CTNNA3: variants seen among roughly 807,000 people sequenced by gnomAD.
CTNNA3 encodes the protein catenin alpha-3.
CTNNA3 carries 76 observed loss-of-function variants against 95.7 expected under a neutral mutation model. The ratio of observed to expected loss-of-function variants is 0.79; its 90% confidence interval spans 0.66 to 0.96. CTNNA3 has a LOEUF of 0.96. Ranked by LOEUF, CTNNA3 falls within the 40% of genes least tolerant of loss-of-function variation. The pLI is 0.00. For synonymous variants in CTNNA3, 431 were observed against 374.4 expected (o/e 1.15, Z -1.74); for missense variants, 1,191 against 1,089.8 (o/e 1.09, Z -1.31).
intron 14 of CTNNA3, among the ~76,000 whole-genome samples, chr10:66,072,532 C>G (rs567910460): frequency 6.6e-6 from 1 of 152,164 alleles, no homozygotes; most frequent in East Asian, 1.9e-4. Context: ...GCCACCTCTA[C>G]CTCCTAGATT....
rs192429391 is a variant in CTNNA3 at position 67,133,138 on chromosome 10, G to T, written c.1047+47179C>A. Among the ~76,000 whole-genome samples the T allele has an allele frequency of 5.1e-3, 764 of 151,252 alleles. 6 individuals are homozygous for T. Among genetic ancestry groups the T allele is most frequent in the African/African-American group, 0.017 (713 of 41,182 alleles). On this transcript the variant is annotated intron_variant, in intron 7 of 17. Coordinates refer to ENST00000433211, the MANE Select transcript of CTNNA3 (RefSeq NM_013266.4). ...ATGGAGACCTCAAATACCCTAACTT[G>T]ATCATGACACATTTTATGAATGTAG...
intron 7 of CTNNA3, among the ~76,000 whole-genome samples, chr10:66,929,499 A>T (rs1175993270): frequency 6.6e-6 from 1 of 152,192 alleles, no homozygotes; most frequent in Non-Finnish European, 1.5e-5. Flanking sequence ...TCCCCTAATG[A>T]CAGACACTTC....
intron 5 of CTNNA3, among the ~76,000 whole-genome samples, chr10:67,411,910 C>T (rs908393643): frequency 6.6e-6 from 1 of 152,056 alleles, no homozygotes. Context: ...CCAGCACTGG[C>T]TGTCATTTAA....
chr10:66,588,905 T>A (rs565974211), intron 10 of CTNNA3, among the ~76,000 whole-genome samples: 1 of 151,038 alleles, frequency 6.6e-6, no homozygotes, highest in Non-Finnish European at 1.5e-5. Flanking sequence ...ACAGTGGAGA[T>A]AAAAGAAGGT....
At chr10:66,028,003 A>G (rs1365849892) in intron 15 of CTNNA3, among the ~76,000 whole-genome samples, 2 of 152,210 alleles carry the variant, frequency 1.3e-5, no homozygotes, top group African/African-American at 2.4e-5. Context: ...GTCAAGTGAG[A>G]CAGACAAAAC....
At chr10:67,251,048 T>G (rs964633857) in intron 5 of CTNNA3, among the ~76,000 whole-genome samples, 6 of 152,222 alleles carry the variant, frequency 3.9e-5, no homozygotes, top group Non-Finnish European at 7.3e-5. Flanking sequence ...TATGGCAGCA[T>G]TCTTCATAAT....
chr10:66,762,326 C>T (rs373173458), intron 9 of CTNNA3, among the ~76,000 whole-genome samples: 20 of 151,988 alleles, frequency 1.3e-4, no homozygotes, highest in African/African-American at 2.2e-4. Context: ...ATACTCCTGA[C>T]GACTTCTTAT....
intron 15 of CTNNA3, among the ~76,000 whole-genome samples, chr10:66,042,421 G>A (rs2079714109): frequency 1.3e-5 from 2 of 152,086 alleles, no homozygotes; most frequent in Admixed American, 1.3e-4. Flanking sequence ...GAAAGTGGTG[G>A]GAAAAGGGAT....
At chr10:66,186,748 A>T (rs772125262) in intron 13 of CTNNA3, among the ~76,000 whole-genome samples, 2 of 152,096 alleles carry the variant, frequency 1.3e-5, no homozygotes, top group African/African-American at 2.4e-5. Context: ...AAGACTATCA[A>T]GAATTTGGTG....
chr10:67,725,770 G>C (rs961880318), intron 1 of CTNNA3, among the ~76,000 whole-genome samples: 1 of 151,056 alleles, frequency 6.6e-6, no homozygotes, highest in Admixed American at 6.7e-5. Flanking sequence ...AAAGGCAAAA[G>C]GCTTAAGAAG....
chr10:66,763,307 AACACACAC>A (rs138081667), intron 9 of CTNNA3, among the ~76,000 whole-genome samples: 9 of 145,324 alleles, frequency 6.2e-5, no homozygotes, highest in African/African-American at 1.0e-4. Context: ...TCATGAGATA[AACACACAC>A]ACACACACAC....
In CTNNA3 at chr10:67,510,460, C is replaced by CTT. The variant is rs139116294; in HGVS notation, c.579+11380_579+11381dup. ...TAAATAGGGAATCCTTTCTTCACTT[C>CTT]TTTTTTTTTTTTTGGTCAGGTTTGT... On this transcript the variant is annotated intron_variant, in intron 5 of 17. Coordinates refer to ENST00000433211, the MANE Select transcript of CTNNA3 (RefSeq NM_013266.4). Among the ~76,000 whole-genome samples the CTT allele has an allele frequency of 3.0e-3, 423 of 140,888 alleles. 3 individuals carry two copies. The highest frequency in any genetic ancestry group is 7.7e-3 in the African/African-American group (299 of 38,624). 92.4% of individuals were successfully genotyped at this position (140,888 alleles called of 152,430 possible). A position where few individuals can be genotyped will look rare whatever the true frequency, so the allele number is the denominator to read the frequency against.
At chr10:66,534,471 T>TATATAC (rs1287312921) in intron 10 of CTNNA3, among the ~76,000 whole-genome samples, 6 of 120 alleles carry the variant, frequency 0.05, no homozygotes, top group East Asian at 0.21. Flanking sequence ...ATAAAAATCA[T>TATATAC]ATATATATAT....
In CTNNA3 at chr10:66,688,200, A is replaced by C. The variant is rs191777326; in HGVS notation, c.1282-66416T>G. 5.3e-5 allele frequency among the ~76,000 whole-genome samples: 8 copies of C among 152,298 alleles called. No homozygotes were observed. The East Asian group carries it at 1.5e-3, about 29-fold the overall frequency. On this transcript the variant is annotated intron_variant, in intron 9 of 17. Transcript: ENST00000433211. ...ATGACTCAAGTATTTCCGTGAAGAAAATAAAAAGATCATGTCCACTGTGTC... is the reference window on the plus strand; with the variant it reads ...ATGACTCAAGTATTTCCGTGAAGAACATAAAAAGATCATGTCCACTGTGTC...
intron 7 of CTNNA3, among the ~76,000 whole-genome samples, chr10:67,071,807 C>A (rs1589695995): frequency 1.3e-5 from 2 of 152,010 alleles, no homozygotes; most frequent in South Asian, 4.1e-4. Context: ...TTCCCTTTTT[C>A]TTTCTATGCT....
At chr10:66,791,136 T>A (rs1457799300) in intron 7 of CTNNA3, among the ~76,000 whole-genome samples, 2 of 152,232 alleles carry the variant, frequency 1.3e-5, no homozygotes, top group Admixed American at 6.5e-5. Context: ...CTTTGTGTGA[T>A]ACCCATTTGT....
chr10:66,588,649 T>A (rs945989880), intron 10 of CTNNA3, among the ~76,000 whole-genome samples: 2 of 152,166 alleles, frequency 1.3e-5, no homozygotes, highest in African/African-American at 4.8e-5. Context: ...CCACTCTATT[T>A]CATTTATCTA....
At chr10:67,507,534 CA>C (rs1053294630) in intron 5 of CTNNA3, among the ~76,000 whole-genome samples, 57 of 108,014 alleles carry the variant, frequency 5.3e-4, no homozygotes, top group Non-Finnish European at 7.4e-4. Context: ...AACTCCATCT[CA>C]AAAAAAAAAG....
chr10:67,190,856 G>C (rs536212159), intron 6 of CTNNA3, among the ~76,000 whole-genome samples: 7 of 151,948 alleles, frequency 4.6e-5, no homozygotes, highest in African/African-American at 1.7e-4. Context: ...TCCGATAAAC[G>C]ATATTATCCA....
Sources: allele counts gnomAD v4.1 joint callset (sites outside exome capture counted in the v4.1 genomes callset), GRCh38; gene constraint gnomAD v4.1.1; transcripts MANE v1.5; gene names NCBI Gene and HGNC (gene_info 2026-07-23, HGNC 2026-07-21).